The following TEC variants were observed in gnomAD, a reference collection of about 807,000 sequenced individuals.
The protein encoded by TEC is tyrosine-protein kinase Tec.
A neutral mutation model predicts 93.0 loss-of-function variants in TEC; 72 were observed. That is an observed-to-expected ratio of 0.77 (90% confidence interval 0.64 to 0.94). TEC has a LOEUF of 0.94. Ranked by LOEUF, TEC falls within the 40% of genes least tolerant of loss-of-function variation. The pLI is 0.00. For missense variants in TEC, 630 were observed against 757.9 expected, an observed-to-expected ratio of 0.83 and a Z score of 1.98; for synonymous variants, 249 against 247.7, an observed-to-expected ratio of 1.01 and a Z score of -0.05.
intron 2 of TEC, among the ~76,000 whole-genome samples, chr4:48,200,861 C>A (rs1376303965): frequency 6.6e-6 from 1 of 152,230 alleles, no homozygotes; most frequent in East Asian, 1.9e-4. Context: ...AGAGGAAAGA[C>A]AGGATCCAGG....
At chr4:48,198,903 C>T (rs776904647) in intron 2 of TEC, among the ~76,000 whole-genome samples, 3 of 152,122 alleles carry the variant, frequency 2.0e-5, no homozygotes, top group Non-Finnish European at 4.4e-5. Flanking sequence ...TCAAAGGTAC[C>T]AAGGAGATGA....
intron 2 of TEC, among the ~76,000 whole-genome samples, chr4:48,210,136 C>T (rs2109609862): frequency 6.6e-6 from 1 of 152,208 alleles, no homozygotes; most frequent in Admixed American, 6.5e-5. Flanking sequence ...ATTGAAAGAG[C>T]CTAAAGCTTA....
At chr4:48,239,359 T>C (rs1177615493) in intron 1 of TEC, among the ~76,000 whole-genome samples, 3 of 152,222 alleles carry the variant, frequency 2.0e-5, no homozygotes, top group Admixed American at 6.5e-5. Context: ...TTTTACTGTT[T>C]ACTGTGAAAT....
chr4:48,188,791 G>C (rs951318977), intron 2 of TEC, among the ~76,000 whole-genome samples: 3 of 152,090 alleles, frequency 2.0e-5, no homozygotes, highest in South Asian at 2.1e-4. Context: ...CTTTTTAATA[G>C]TACTAAAACT....
chr4:48,143,397 A>G, intron 14 of TEC, among the ~76,000 whole-genome samples: 1 of 152,246 alleles, frequency 6.6e-6, no homozygotes, highest in South Asian at 2.1e-4. Context: ...TTATAAGGAC[A>G]TCTATTTTGT....
chr4:48,266,174 A>G (rs1724634430), intron 1 of TEC, among the ~76,000 whole-genome samples: 1 of 152,258 alleles, frequency 6.6e-6, no homozygotes, highest in Non-Finnish European at 1.5e-5. Context: ...AGTCTCAGAA[A>G]AGTAGACCTC....
In TEC at chr4:48,145,206, C is replaced by T; in HGVS notation, c.1343G>A (p.Gly448Asp). 7 of 1,614,108 alleles carry T rather than the reference C, an allele frequency of 4.3e-6. No homozygotes were observed. Among genetic ancestry groups the T allele is most frequent in the Non-Finnish European group, 5.9e-6 (7 of 1,180,008 alleles). ...CTGTCGGAGGAAATTCAGAAGGCAG[C>T]CCCTTTCCATGAACTCAGTAACAAT... is the stretch of plus-strand genomic sequence containing the variant. Reference protein sequence around the residue: ...IYIVTEFMERGCLLNFLRQRQ... With the variant: ...IYIVTEFMERDCLLNFLRQRQ... The change falls in exon 14 of 18, where the codon GGC becomes GAC. Residue 448 changes from glycine (G) to aspartate (D), a missense_variant. Around this residue, in one of 3 missense-constraint regions of TEC, gnomAD observed 289 missense variants for 390.0 expected, o/e 0.74. Coordinates refer to ENST00000381501, the MANE Select transcript of TEC (RefSeq NM_003215.3).
chr4:48,233,170 G>C (rs1723693265), intron 1 of TEC, among the ~76,000 whole-genome samples: 1 of 152,094 alleles, frequency 6.6e-6, no homozygotes. Flanking sequence ...GATGAGGCTA[G>C]TCAGCTCTCT....
At chr4:48,163,820 A>AAAGG (rs1720771235) in intron 7 of TEC, 53 bp from the exon 8 acceptor site, 2 of 950,962 alleles carry the variant, frequency 2.1e-6, no homozygotes, top group South Asian at 3.4e-5. Flanking sequence ...GAGGTTATTG[A>AAAGG]AAGAAAGAAA....
chr4:48,261,217 T>TA (rs1724489867), intron 1 of TEC, among the ~76,000 whole-genome samples: 1 of 152,124 alleles, frequency 6.6e-6, no homozygotes, highest in Admixed American at 6.6e-5. Context: ...TGACAATCCT[T>TA]AAAAAAATTC....
At chr4:48,198,476 T>C (rs1425299087) in intron 2 of TEC, among the ~76,000 whole-genome samples, 2 of 152,260 alleles carry the variant, frequency 1.3e-5, no homozygotes, top group African/African-American at 4.8e-5. Context: ...AACCTGGTAC[T>C]GGAATCCCAT....
chr4:48,265,368 GAGAT>G (rs945616551), intron 1 of TEC, among the ~76,000 whole-genome samples: 1 of 149,222 alleles, frequency 6.7e-6, no homozygotes, highest in East Asian at 2.0e-4. Context: ...AATTACCAAT[GAGAT>G]AGATATATAT....
At chr4:48,225,392 A>G (rs771932595) in intron 2 of TEC, among the ~76,000 whole-genome samples, 8 of 151,930 alleles carry the variant, frequency 5.3e-5, no homozygotes, top group Non-Finnish European at 1.2e-4. Flanking sequence ...GGCCAGGCTG[A>G]TCTCAAACTC....
chr4:48,253,985 G>A (rs1033273562), intron 1 of TEC, among the ~76,000 whole-genome samples: 20 of 152,162 alleles, frequency 1.3e-4, no homozygotes, highest in Admixed American at 6.5e-5. Context: ...GTATCTGCTC[G>A]AGTTGTTCTC....
chr4:48,173,474 ACCT>A (rs1427372782), intron 3 of TEC, among the ~76,000 whole-genome samples: 1 of 152,096 alleles, frequency 6.6e-6, no homozygotes, highest in East Asian at 1.9e-4. Context: ...CCCTGAGCAA[ACCT>A]CAGATCACAC....
intron 2 of TEC, among the ~76,000 whole-genome samples, chr4:48,218,040 C>T (rs995418663): frequency 5.3e-5 from 8 of 151,452 alleles, no homozygotes; most frequent in South Asian, 2.1e-4. Context: ...CCTTGGACTT[C>T]GGACCTGGCA....
At chr4:48,249,468 A>G (rs1008729258) in intron 1 of TEC, among the ~76,000 whole-genome samples, 2 of 152,242 alleles carry the variant, frequency 1.3e-5, no homozygotes, top group African/African-American at 4.8e-5. Flanking sequence ...TCTTATGTTC[A>G]TGGTAATATT....
rs200376782 is a variant in TEC at position 48,170,325 on chromosome 4, G to T, written c.377C>A (p.Thr126Lys). The part of the protein sequence containing the change: ...IMIKYHPKFW[T>K]DGSYQCCRQT... ...TCTACAACACTGATAACTTCCATCT[G>T]TCCAGAATTTAGGATGATATTTAAT... is the stretch of plus-strand genomic sequence containing the variant. Residue 126 changes from threonine to lysine, a missense_variant, in exon 5 of 18, where the codon ACA (threonine) becomes AAA (lysine). Thr to Lys is a moderately conservative substitution (Grantham distance 78, BLOSUM62 -1). Transcript: ENST00000381501. 172 of 1,516,436 alleles carry T rather than the reference G, an allele frequency of 1.1e-4. No homozygotes were observed. The East Asian group carries it at 3.8e-3, about 33-fold the overall frequency. 93.9% of individuals were successfully genotyped at this position (1,516,436 alleles called of 1,614,324 possible).
At chr4:48,179,051 T>C (rs11727920) in intron 2 of TEC, among the ~76,000 whole-genome samples, 15,210 of 152,130 alleles carry the variant, frequency 0.1, 840 homozygotes, top group South Asian at 0.13. Context: ...GCCCTGACTT[T>C]GGGTTGTCCT....
Sources: allele counts gnomAD v4.1 joint callset (sites outside exome capture counted in the v4.1 genomes callset), GRCh38; gene constraint gnomAD v4.1.1; regional missense constraint gnomAD v4.1.1; transcripts MANE v1.5; gene names NCBI Gene and HGNC (gene_info 2026-07-23, HGNC 2026-07-21).